BICC1: variants seen among roughly 807,000 people sequenced by gnomAD.
The protein encoded by BICC1 is BicC family RNA binding protein 1.
A neutral mutation model predicts 111.0 loss-of-function variants in BICC1; 43 were observed. The observed-to-expected ratio is 0.39, with a 90% confidence interval of 0.30 to 0.50. BICC1 has a LOEUF of 0.50. Among genes scored for constraint, BICC1 ranks in the 20% least tolerant of loss-of-function variants. The pLI is 0.88. For synonymous variants in BICC1, 467 were observed against 434.4 expected (o/e 1.07, Z -0.93); for missense variants, 1,091 against 1,203.2 (o/e 0.91, Z 1.38).
Position 58,597,974 on chromosome 10 carries a change from G to A in BICC1, c.191-22881G>A, listed in dbSNP as rs188853836. ...GTACAGGTAACACAGTTATCACAGT[G>A]GTCCTGAAGTGACATACATCCTCAG... On this transcript the variant is annotated intron_variant, in intron 1 of 20. Coordinates refer to ENST00000373886, the MANE Select transcript of BICC1 (RefSeq NM_001080512.3). 2.0e-3 allele frequency among the ~76,000 whole-genome samples: 303 copies of A among 152,118 alleles called. 3 individuals carry two copies. Among genetic ancestry groups the A allele is most frequent in the African/African-American group, 7.2e-3 (297 of 41,486 alleles).
chr10:58,699,477 C>CATGTAGAAGTATTACAT (rs1219585206), intron 2 of BICC1, among the ~76,000 whole-genome samples: 2 of 152,180 alleles, frequency 1.3e-5, no homozygotes, highest in Non-Finnish European at 2.9e-5. Context: ...TATTTCTGGG[C>CATGTAGAAGTATTACAT]ACTTCTACTA....
intron 1 of BICC1, among the ~76,000 whole-genome samples, chr10:58,587,452 G>A (rs1017235044): frequency 6.6e-6 from 1 of 152,158 alleles, no homozygotes; most frequent in Admixed American, 6.6e-5. Flanking sequence ...TACACTTACA[G>A]ATATTTTCCA....
intron 2 of BICC1, among the ~76,000 whole-genome samples, chr10:58,684,875 C>T (rs1241082189): frequency 2.0e-5 from 3 of 152,144 alleles, no homozygotes; most frequent in Admixed American, 2.0e-4. Context: ...TTATCTCCTT[C>T]AGTTCTGCTC....
intron 16 of BICC1, 124 bp downstream of exon 16, chr10:58,806,747 C>A: frequency 1.1e-6 from 1 of 904,720 alleles, no homozygotes; most frequent in South Asian, 1.6e-5. Flanking sequence ...TATTTGGGTT[C>A]AAGTTGCATA....
At chr10:58,524,416 C>T (rs1277652069) in intron 1 of BICC1, among the ~76,000 whole-genome samples, 2 of 152,162 alleles carry the variant, frequency 1.3e-5, no homozygotes, top group East Asian at 3.9e-4. Context: ...ACCATCTGAT[C>T]TTTGACAAAC....
rs544043717 is a variant in BICC1 at position 58,538,293 on chromosome 10, A to G, written c.190+24960A>G. 6.2e-3 allele frequency among the ~76,000 whole-genome samples: 719 copies of G among 116,344 alleles called. 4 individuals carry two copies. Among genetic ancestry groups the G allele is most frequent in the Admixed American group, 0.017 (150 of 9,064 alleles). 76.3% of individuals were successfully genotyped at this position (116,344 alleles called of 152,430 possible). ...AAAGTAGTTACATAGACCGTGGAAC[A>G]AAATAGAGAACCAAGAAATAAAGCC... On this transcript the variant is annotated intron_variant, in intron 1 of 20. Coordinates refer to ENST00000373886, the MANE Select transcript of BICC1 (RefSeq NM_001080512.3).
chr10:58,746,577 C>G (rs1841843190), intron 3 of BICC1, among the ~76,000 whole-genome samples: 1 of 152,076 alleles, frequency 6.6e-6, no homozygotes, highest in Non-Finnish European at 1.5e-5. Context: ...AGGTGAGAAA[C>G]ACTAAGGCTG....
intron 2 of BICC1, among the ~76,000 whole-genome samples, chr10:58,682,263 A>G (rs1162641829): frequency 1.3e-5 from 2 of 152,070 alleles, no homozygotes; most frequent in Non-Finnish European, 1.5e-5. Context: ...AATCCAGTCT[A>G]TCATTGATGA....
intron 3 of BICC1, among the ~76,000 whole-genome samples, chr10:58,752,381 C>G (rs935747902): frequency 6.6e-6 from 1 of 152,150 alleles, no homozygotes; most frequent in Non-Finnish European, 1.5e-5. Flanking sequence ...GTAGAAGGAT[C>G]TAATTCTCTG....
At chr10:58,579,515 T>G (rs2132005839) in intron 1 of BICC1, among the ~76,000 whole-genome samples, 1 of 152,272 alleles carries the variant, frequency 6.6e-6, no homozygotes, top group East Asian at 1.9e-4. Context: ...CCACGCCTAC[T>G]GGGGCATCGG....
intron 3 of BICC1, among the ~76,000 whole-genome samples, chr10:58,742,264 A>T (rs971247833): frequency 1.3e-5 from 2 of 152,066 alleles, no homozygotes; most frequent in Admixed American, 1.3e-4. Context: ...CTTTAAAGGG[A>T]AAATATTTCT....
At chr10:58,606,490 C>A (rs1226107344) in intron 1 of BICC1, among the ~76,000 whole-genome samples, 1 of 151,944 alleles carries the variant, frequency 6.6e-6, no homozygotes, top group South Asian at 2.1e-4. Context: ...TGCAGCGCAC[C>A]AGCATGGCAC....
rs376653757 is a variant in BICC1 at position 58,525,391 on chromosome 10, G to T, written c.190+12058G>T. ...TGGAATACTATGCAGCCATAAAAAA[G>T]GATGAGTTCATCTCCTTGGTAGGGC... is the stretch of plus-strand genomic sequence containing the variant. On this transcript the variant is annotated intron_variant, in intron 1 of 20. Coordinates refer to ENST00000373886, the MANE Select transcript of BICC1 (RefSeq NM_001080512.3). Among the ~76,000 whole-genome samples, 139 of 91,076 alleles carry T rather than the reference G, an allele frequency of 1.5e-3. 1 individual carries two copies. The highest frequency in any genetic ancestry group is 4.2e-3 in the East Asian group (11 of 2,614). 59.7% of individuals were successfully genotyped at this position (91,076 alleles called of 152,430 possible). A position where few individuals can be genotyped will look rare whatever the true frequency, so the allele number is the denominator to read the frequency against.
At chr10:58,593,555 A>G (rs1483731138) in intron 1 of BICC1, among the ~76,000 whole-genome samples, 3 of 152,144 alleles carry the variant, frequency 2.0e-5, no homozygotes, top group South Asian at 2.1e-4. Flanking sequence ...TCAAGCAGCA[A>G]TCTTTGCTGT....
Position 58,669,369 on chromosome 10 carries a change from G to A in BICC1, c.238-32705G>A, listed in dbSNP as rs1212057529. Among the ~76,000 whole-genome samples, 4 of 152,084 alleles carry A rather than the reference G, an allele frequency of 2.6e-5. No individual in the cohort carries two copies. In the East Asian group the frequency reaches 7.7e-4, roughly 29 times the overall value. ...TATGTATTGGTTGAGAATGATGAGA[G>A]TCTATTTGGAGCATCTGAATTTGTA... On this transcript the variant is annotated intron_variant, in intron 2 of 20. Transcript: ENST00000373886.
chr10:58,513,314 A>G lies in BICC1; in HGVS notation c.171A>G (p.Lys57=), dbSNP rs1051212806. ...AGCGCTTCCGCGTGGACAGGAAGAA[A>G]CTTGAGGCCATGTTACAAGGTAGGC... ...SEERFRVDRK[K]LEAMLQAAAE... Residue 57 remains lysine (K), a synonymous_variant, in exon 1 of 21, where the codon AAA becomes AAG. Coordinates refer to ENST00000373886, the MANE Select transcript of BICC1 (RefSeq NM_001080512.3). 3.1e-6 allele frequency: 5 copies of G among 1,607,986 alleles called. No individual in the cohort carries two copies. The highest frequency in any genetic ancestry group is 3.4e-5 in the Admixed American group (2 of 59,526).
chr10:58,633,277 T>G (rs989068824), intron 2 of BICC1, among the ~76,000 whole-genome samples: 2 of 152,202 alleles, frequency 1.3e-5, no homozygotes, highest in African/African-American at 2.4e-5. Flanking sequence ...ACCTCTTTCT[T>G]TGATAAATTA....
chr10:58,652,059 G>T (rs557814467), intron 2 of BICC1, among the ~76,000 whole-genome samples: 21 of 152,214 alleles, frequency 1.4e-4, no homozygotes, highest in African/African-American at 4.1e-4. Flanking sequence ...TAGTTCAGAA[G>T]ACAAAAATGG....
intron 1 of BICC1, among the ~76,000 whole-genome samples, chr10:58,586,656 T>G (rs181240907): frequency 1.3e-5 from 2 of 150,834 alleles, no homozygotes; most frequent in African/African-American, 4.9e-5. Flanking sequence ...CATACAGAGT[T>G]CCTATGTTCA....
Sources: allele counts gnomAD v4.1 joint callset (sites outside exome capture counted in the v4.1 genomes callset), GRCh38; gene constraint gnomAD v4.1.1; transcripts MANE v1.5; gene names NCBI Gene and HGNC (gene_info 2026-07-23, HGNC 2026-07-21).